The following SLC35B3 variants were observed in gnomAD, a reference collection of about 807,000 sequenced individuals.
The protein encoded by SLC35B3 is adenosine 3'-phospho 5'-phosphosulfate transporter 2.
SLC35B3 carries 35 observed loss-of-function variants against 44.1 expected under a neutral mutation model. The ratio of observed to expected loss-of-function variants is 0.79; its 90% confidence interval spans 0.61 to 1.05. The LOEUF (loss-of-function observed/expected upper bound fraction) is 1.05. Among genes scored for constraint, SLC35B3 ranks in the 50% least tolerant of loss-of-function variants. SLC35B3 has a pLI of 0.00. For synonymous variants in SLC35B3, 146 were observed against 167.3 expected (o/e 0.87, Z 0.98); for missense variants, 414 against 476.4 (o/e 0.87, Z 1.22).
At chr6:8,417,294 G>C in intron 8 of SLC35B3, 108 bp downstream of exon 7, 1 of 688,118 alleles carries the variant, frequency 1.5e-6, no homozygotes, top group Non-Finnish European at 2.5e-6. Context: ...TTATGTTAAA[G>C]GAGGTATCAT....
chr6:8,421,530 T>C (rs369419354), intron 5 of SLC35B3, among the ~76,000 whole-genome samples: 1 of 152,222 alleles, frequency 6.6e-6, no homozygotes, highest in African/African-American at 2.4e-5. Context: ...ATAAATGATA[T>C]CAGGCTGTAT....
rs1764341322 is a variant in SLC35B3, at chr6:8,434,928, G to A, written c.-44+415C>T. The A allele has an allele frequency of 6.3e-6, 2 of 316,318 alleles. No homozygotes were observed. The highest frequency in any genetic ancestry group is 8.4e-5 in the South Asian group (2 of 23,806). The allele number at this position is 316,318 out of a possible 1,614,324, so 19.6% of individuals were successfully genotyped here. A position where few individuals can be genotyped will look rare whatever the true frequency, so the allele number is the denominator to read the frequency against. On this transcript the variant is annotated intron_variant, in intron 1 of 10. Coordinates refer to ENST00000644923, the MANE Select transcript of SLC35B3 (RefSeq NM_001370476.2). This position sits in a 1 kb window ranked among gnomAD's most constrained non-coding sequence, Gnocchi z 6.3. ...AATCACATTCTACTGCAAGCCAAAT[G>A]GAGAAAAGAGTACCTTGGAGTGCCC...
In SLC35B3 at chr6:8,413,620, G is replaced by T; in HGVS notation, c.1135C>A (p.Pro379Thr). ...TTGTTTATCAAATCATACAGTGATG[G>T]TAGTCTTATTTTATCCATATTTTTG... The change falls in exon 11 of 11, where the codon CCA (proline) becomes ACA (threonine). Residue 379 changes from proline to threonine, a missense_variant. Transcript: ENST00000644923. 1 of 1,602,482 alleles carries T rather than the reference G, an allele frequency of 6.2e-7. No homozygotes were observed. Among genetic ancestry groups the T allele is most frequent in the Non-Finnish European group, 8.5e-7 (1 of 1,173,040 alleles).
At chr6:8,427,785 G>T in intron 4 of SLC35B3, 152 bp downstream of exon 3, 3 of 564,002 alleles carry the variant, frequency 5.3e-6, no homozygotes, top group South Asian at 3.2e-5. Context: ...GTGTATAAAT[G>T]AATAAAATGT....
chr6:8,414,757 TA>T lies in SLC35B3; in HGVS notation c.1055+150del, dbSNP rs1375614754. ...GATGAAAAGGTTTCTTTATAAAGCATAACAGGAAAAAAAACCACATTAATTT... is the reference window on the plus strand; with the variant it reads ...GATGAAAAGGTTTCTTTATAAAGCATACAGGAAAAAAAACCACATTAATTT... On this transcript the variant is annotated intron_variant, in intron 10 of 10. Transcript: ENST00000644923. 8 of 428,718 alleles carry T rather than the reference TA, an allele frequency of 1.9e-5. No homozygotes were observed. The East Asian group carries it at 2.7e-4, about 15-fold the overall frequency. 26.6% of individuals were successfully genotyped at this position (428,718 alleles called of 1,614,324 possible).
In SLC35B3 at chr6:8,411,928, C is replaced by A. The variant is rs1362953310; in HGVS notation, c.*1621G>T. Among the ~76,000 whole-genome samples the A allele has an allele frequency of 6.6e-6, 1 of 152,138 alleles. No homozygotes were observed. Among genetic ancestry groups the A allele is most frequent in the East Asian group, 1.9e-4 (1 of 5,198 alleles). The stretch of plus-strand genomic sequence containing the variant: ...CACTGCTAAAAATAAGTGCCCAAAT[C>A]TTTGAATTTAGACTCAAAACTATGC... On this transcript the variant is annotated 3_prime_UTR_variant, in exon 11 of 11. Transcript: ENST00000644923.
At chr6:8,417,640 A>G in intron 7 of SLC35B3, 146 bp from the exon 7 acceptor site, 1 of 527,346 alleles carries the variant, frequency 1.9e-6, no homozygotes, top group Non-Finnish European at 3.3e-6. Context: ...AAATTTCCAG[A>G]AATGTTATTT....
At position 8,412,194 on chromosome 6, in the gene SLC35B3, G is replaced by T. The variant is rs894027997; in HGVS notation, c.*1355C>A. On this transcript the variant is annotated 3_prime_UTR_variant, in exon 11 of 11. Transcript: ENST00000644923. ...AAGCAGGCTCTCACCAAATCTGCCAGCACCTCCATCTTGGACTTCCAGACA... is the reference window on the plus strand; with the variant it reads ...AAGCAGGCTCTCACCAAATCTGCCATCACCTCCATCTTGGACTTCCAGACA... Among the ~76,000 whole-genome samples, 4 of 152,146 alleles carry T rather than the reference G, an allele frequency of 2.6e-5. No individual in the cohort carries two copies. Among genetic ancestry groups the T allele is most frequent in the African/African-American group, 9.7e-5 (4 of 41,436 alleles).
chr6:8,411,817 C>G lies in SLC35B3; in HGVS notation c.*1732G>C, dbSNP rs909697417. Reference sequence around the variant, plus strand: ...AATATAAACAGTGTCCCCAAGAGCACTAAGCTTTTTAAACCAGTATTATTT... The same window carrying G: ...AATATAAACAGTGTCCCCAAGAGCAGTAAGCTTTTTAAACCAGTATTATTT... On this transcript the variant is annotated 3_prime_UTR_variant, in exon 11 of 11. Coordinates refer to ENST00000644923, the MANE Select transcript of SLC35B3 (RefSeq NM_001370476.2). 1.3e-5 allele frequency among the ~76,000 whole-genome samples: 2 copies of G among 152,078 alleles called. No homozygotes were observed. The highest frequency in any genetic ancestry group is 4.8e-5 in the African/African-American group (2 of 41,412).
Position 8,413,623 on chromosome 6 carries a change from G to T in SLC35B3, c.1132C>A (p.Leu378Ile). Residue 378 changes from leucine to isoleucine, a missense_variant, in exon 11 of 11, where the codon CTA (leucine) becomes ATA (isoleucine). Leu to Ile is a conservative substitution (Grantham distance 5). Coordinates refer to ENST00000644923, the MANE Select transcript of SLC35B3 (RefSeq NM_001370476.2). ...TTTATCAAATCATACAGTGATGGTA[G>T]TCTTATTTTATCCATATTTTTGCTG... The T allele has an allele frequency of 6.2e-7, 1 of 1,601,144 alleles. No individual in the cohort carries two copies. The highest frequency in any genetic ancestry group is 8.5e-7 in the Non-Finnish European group (1 of 1,172,022).
chr6:8,435,549 C>A, upstream of SLC35B3: 1 of 422,144 alleles, frequency 2.4e-6, no homozygotes, highest in South Asian at 2.0e-5. This position sits in a 1 kb window ranked among gnomAD's most constrained non-coding sequence, Gnocchi z 5.5. Context: ...CCTATGTGTC[C>A]CTGCGCGCGT....
Position 8,434,939 on chromosome 6 carries a change from T to C in SLC35B3, c.-44+404A>G, listed in dbSNP as rs975189403. On this transcript the variant is annotated intron_variant, in intron 1 of 10. Coordinates refer to ENST00000644923, the MANE Select transcript of SLC35B3 (RefSeq NM_001370476.2). This position sits in a 1 kb window ranked among gnomAD's most constrained non-coding sequence, Gnocchi z 6.3. ...ACTGCAAGCCAAATGGAGAAAAGAG[T>C]ACCTTGGAGTGCCCCTATTTAATAA... is the stretch of plus-strand genomic sequence containing the variant. The C allele has an allele frequency of 2.8e-6, 1 of 357,160 alleles. No homozygotes were observed. The highest frequency in any genetic ancestry group is 4.5e-6 in the Non-Finnish European group (1 of 221,416). The allele number at this position is 357,160 out of a possible 1,614,324, so 22.1% of individuals were successfully genotyped here. A position where few individuals can be genotyped will look rare whatever the true frequency, so the allele number is the denominator to read the frequency against.
intron 3 of SLC35B3, among the ~76,000 whole-genome samples, chr6:8,429,322 G>GT (rs1278513067): frequency 6.6e-6 from 1 of 152,094 alleles, no homozygotes. Context: ...TATCAGAAAT[G>GT]TTTTGTGCCA....
At position 8,432,418 on chromosome 6, in the gene SLC35B3, CAA is replaced by C. The variant is rs372555802; in HGVS notation, c.3+1965_3+1966del. 3.9e-3 allele frequency among the ~76,000 whole-genome samples: 586 copies of C among 152,184 alleles called. 2 individuals are homozygous for C. Among genetic ancestry groups the C allele is most frequent in the African/African-American group, 0.013 (558 of 41,518 alleles). ...ATTTCTCCAGAAGGTCACGCTTTCC[CAA>C]AGTCACCTTCTTCTGAGATGTTTGT... On this transcript the variant is annotated intron_variant, in intron 2 of 10. Transcript: ENST00000644923. The surrounding 1 kb of genome is among the most constrained non-coding windows in gnomAD (Gnocchi z 4.8).
At chr6:8,428,358 A>G (rs968531089) in intron 3 of SLC35B3, among the ~76,000 whole-genome samples, 1 of 152,156 alleles carries the variant, frequency 6.6e-6, no homozygotes, top group Non-Finnish European at 1.5e-5. Context: ...AGTCACTAAG[A>G]GTTATTCTAA....
chr6:8,417,377 T>G, intron 8 of SLC35B3, 25 bp downstream of exon 7: 1 of 1,410,750 alleles, frequency 7.1e-7, no homozygotes, highest in Admixed American at 2.0e-5. Flanking sequence ...GAAGATTTTT[T>G]TTTTTAAATG....
chr6:8,417,137 T>C, intron 8 of SLC35B3, 142 bp from the exon 8 acceptor site: 1 of 574,118 alleles, frequency 1.7e-6, no homozygotes, highest in Non-Finnish European at 3.0e-6. Flanking sequence ...CTTATTTTGA[T>C]TTAATGAAAA....
chr6:8,418,652 T>C (rs372656548), intron 7 of SLC35B3, among the ~76,000 whole-genome samples: 3 of 151,802 alleles, frequency 2.0e-5, no homozygotes, highest in African/African-American at 7.3e-5. Context: ...AACAATACCT[T>C]TAATAAGAAA....
At position 8,425,873 on chromosome 6, in the gene SLC35B3, C is replaced by T. The variant is rs369975809; in HGVS notation, c.419+2064G>A. 3.9e-5 allele frequency among the ~76,000 whole-genome samples: 6 copies of T among 152,302 alleles called. No homozygotes were observed. The South Asian group carries it at 6.2e-4, about 16-fold the overall frequency. On this transcript the variant is annotated intron_variant, in intron 4 of 10. Transcript: ENST00000644923. ...AACATTTTATATTCAAATTCCTAAC[C>T]ACTTTCTGTTTATAATCAGAGACTA...
Sources: allele counts gnomAD v4.1 joint callset (sites outside exome capture counted in the v4.1 genomes callset), GRCh38; gene constraint gnomAD v4.1.1; non-coding constraint Gnocchi (gnomAD v3.1); transcripts MANE v1.5; gene names NCBI Gene and HGNC (gene_info 2026-07-23, HGNC 2026-07-21).